The following SLC25A28 variants were observed in gnomAD, a reference collection of about 807,000 sequenced individuals.
SLC25A28 encodes mitoferrin-2.
A neutral mutation model predicts 31.9 loss-of-function variants in SLC25A28; 10 were observed. That is an observed-to-expected ratio of 0.31 (90% confidence interval 0.19 to 0.53). The LOEUF (loss-of-function observed/expected upper bound fraction) is 0.53, where lower values mean the gene tolerates loss of function less well. Among genes scored for constraint, SLC25A28 ranks in the 20% least tolerant of loss-of-function variants. The pLI is 0.95. For synonymous variants in SLC25A28, 208 were observed against 203.6 expected, an observed-to-expected ratio of 1.02 and a Z score of -0.19; for missense variants, 256 against 490.3, an observed-to-expected ratio of 0.52 and a Z score of 4.51.
At chr10:99,619,955 C>T in intron 1 of SLC25A28, 90 bp downstream of exon 1, 1 of 1,341,606 alleles carries the variant, frequency 7.5e-7, no homozygotes, top group Non-Finnish European at 9.8e-7. Context: ...CCCATGTCGG[C>T]TCCGGCTCTC....
intron 1 of SLC25A28, chr10:99,618,519 C>A: frequency 1.0e-6 from 1 of 985,410 alleles, no homozygotes; most frequent in Non-Finnish European, 1.2e-6. Context: ...GTCATTCAAC[C>A]TAGAGTCTAT....
In SLC25A28 at chr10:99,620,421, G is replaced by C; in HGVS notation, c.-86C>G. 2 of 1,041,202 alleles carry C rather than the reference G, an allele frequency of 1.9e-6. No individual in the cohort carries two copies. The highest frequency in any genetic ancestry group is 8.8e-5 in the South Asian group (2 of 22,666). 64.5% of individuals were successfully genotyped at this position (1,041,202 alleles called of 1,614,324 possible). ...CCCCGGCCCCGTAGTGTCCGCCTCAGGCGCGGCCCAGAGAGCCCGGGGCCT... is the reference window on the plus strand; with the variant it reads ...CCCCGGCCCCGTAGTGTCCGCCTCACGCGCGGCCCAGAGAGCCCGGGGCCT... On this transcript the variant is annotated 5_prime_UTR_variant, in exon 1 of 4. Coordinates refer to ENST00000370495, the MANE Select transcript of SLC25A28 (RefSeq NM_031212.4).
chr10:99,617,365 A>C, intron 1 of SLC25A28: 1 of 985,422 alleles, frequency 1.0e-6, no homozygotes, highest in Non-Finnish European at 1.2e-6. Flanking sequence ...AGTCAACTTG[A>C]CCCTGATAAG....
chr10:99,620,639 GTT>G, upstream of SLC25A28: 1 of 991,726 alleles, frequency 1.0e-6, no homozygotes, highest in African/African-American at 1.7e-5. Context: ...GAAGCTTCTT[GTT>G]TATTGGTCAC....
chr10:99,644,871 T>C, the SLC25A28 span, among the ~76,000 whole-genome samples: 14 of 152,214 alleles, frequency 9.2e-5, no homozygotes, highest in African/African-American at 3.4e-4. Flanking sequence ...TTAAGAATGT[T>C]GAATATTGGC....
At chr10:99,648,819 T>C in the SLC25A28 span, among the ~76,000 whole-genome samples, 1 of 152,012 alleles carries the variant, frequency 6.6e-6, no homozygotes, top group Admixed American at 6.6e-5. Context: ...AACTACTGCA[T>C]TCATTTATCA....
intron 1 of SLC25A28, among the ~76,000 whole-genome samples, chr10:99,619,675 G>A (rs1328521168): frequency 2.0e-5 from 3 of 152,228 alleles, no homozygotes; most frequent in Non-Finnish European, 4.4e-5. Context: ...ATCCATTTCA[G>A]GGTCTGGTTC....
At chr10:99,617,684 A>T in intron 1 of SLC25A28, 1 of 985,480 alleles carries the variant, frequency 1.0e-6, no homozygotes, top group Non-Finnish European at 1.2e-6. Flanking sequence ...AGTCATTTAA[A>T]TCCCAGCATT....
intron 1 of SLC25A28, chr10:99,618,891 T>C (rs1186638440): frequency 2.0e-6 from 2 of 985,320 alleles, no homozygotes; most frequent in Non-Finnish European, 2.4e-6. Context: ...TTTGAATACA[T>C]AACACTTTCC....
chr10:99,612,737 A>C, intron 2 of SLC25A28, 138 bp from the exon 3 acceptor site: 1 of 920,134 alleles, frequency 1.1e-6, no homozygotes, highest in Non-Finnish European at 1.8e-6. Context: ...AAAGATGGGG[A>C]CCCACTGCTC....
chr10:99,613,373 G>T lies in SLC25A28; in HGVS notation c.520+323C>A. ...CTAAGGAGCAGGACACCACCCAACT[G>T]TCAAACATAGACTGGGGGTAGTTCA... On this transcript the variant is annotated intron_variant, in intron 2 of 3. Transcript: ENST00000370495. This position sits in a 1 kb window ranked among gnomAD's most constrained non-coding sequence, Gnocchi z 4.9. 1 of 1,224,678 alleles carries T rather than the reference G, an allele frequency of 8.2e-7. No homozygotes were observed. The highest frequency in any genetic ancestry group is 1.0e-6 in the Non-Finnish European group (1 of 969,626). The allele number at this position is 1,224,678 out of a possible 1,614,324, so 75.9% of individuals were successfully genotyped here.
At chr10:99,615,700 A>G in intron 1 of SLC25A28, 5 of 985,474 alleles carry the variant, frequency 5.1e-6, no homozygotes, top group Non-Finnish European at 6.0e-6. Context: ...TATAAAATCC[A>G]TCAGAAGAGT....
chr10:99,645,608 C>A, the SLC25A28 span, among the ~76,000 whole-genome samples: 1 of 152,242 alleles, frequency 6.6e-6, no homozygotes. Context: ...TGGCGAGGAG[C>A]TGCTTTCCTT....
At chr10:99,645,800 G>A in the SLC25A28 span, among the ~76,000 whole-genome samples, 2 of 152,212 alleles carry the variant, frequency 1.3e-5, no homozygotes, top group African/African-American at 2.4e-5. Flanking sequence ...TCAGCTGTGG[G>A]TTTGTTAAAA....
chr10:99,623,692 T>G (rs1280806933), upstream of SLC25A28, among the ~76,000 whole-genome samples: 2 of 152,196 alleles, frequency 1.3e-5, no homozygotes, highest in African/African-American at 4.8e-5. Flanking sequence ...GGATTTGCTT[T>G]GGCCAGTGAA....
intron 1 of SLC25A28, among the ~76,000 whole-genome samples, chr10:99,619,687 C>T (rs1396941500): frequency 6.6e-6 from 1 of 152,232 alleles, no homozygotes; most frequent in Non-Finnish European, 1.5e-5. Context: ...GTCTGGTTCA[C>T]GCCAGTTGGC....
At chr10:99,658,717 A>C in the SLC25A28 span, among the ~76,000 whole-genome samples, 2 of 152,096 alleles carry the variant, frequency 1.3e-5, no homozygotes, top group Non-Finnish European at 2.9e-5. Flanking sequence ...GGTAGGGCGG[A>C]TCGTGGGGCG....
At chr10:99,619,464 A>G in intron 1 of SLC25A28, 2 of 961,056 alleles carry the variant, frequency 2.1e-6, no homozygotes, top group Non-Finnish European at 2.5e-6. Context: ...CCTGAATACG[A>G]TCTTTCCCAC....
chr10:99,644,370 C>G, the SLC25A28 span, among the ~76,000 whole-genome samples: 2 of 152,140 alleles, frequency 1.3e-5, no homozygotes, highest in African/African-American at 2.4e-5. Flanking sequence ...TCTGTTTTAT[C>G]AGAGACTAGG....
Sources: gnomAD v4.1 joint callset for allele counts (sites outside exome capture counted in the v4.1 genomes callset) on GRCh38, gnomAD v4.1.1 for gene constraint, Gnocchi (gnomAD v3.1) non-coding constraint, MANE v1.5 for transcripts, NCBI Gene and HGNC (gene_info 2026-07-23, HGNC 2026-07-21) for gene names.